The following KARS1 variants were observed in gnomAD, a reference collection of about 807,000 sequenced individuals.
KARS1 encodes the protein lysine--tRNA ligase.
In KARS1, 50 loss-of-function variants were observed where a neutral mutation model predicts 63.9. The observed-to-expected ratio is 0.78, with a 90% CI of 0.62 to 0.99. The LOEUF is 0.99. Among genes scored for constraint, KARS1 ranks in the 50% least tolerant of loss-of-function variants. The probability of loss-of-function intolerance (pLI) is 0.00; values close to 1 mark genes in which losing one functional copy is unlikely to be tolerated. For synonymous variants in KARS1, 320 were observed against 264.6 expected (o/e 1.21, Z -2.03); for missense variants, 816 against 754.5 (o/e 1.08, Z -0.95).
intron 7 of KARS1, among the ~76,000 whole-genome samples, chr16:75,632,778 T>C (rs1023126191): frequency 3.3e-5 from 5 of 152,210 alleles, no homozygotes; most frequent in East Asian, 1.9e-4. Context: ...TATGTTGGGA[T>C]TCACTCAGGA....
In KARS1 at chr16:75,628,689, CTCA is replaced by C. The variant is rs746792084; in HGVS notation, c.1572_1574del (p.Asp524del). 2 of 1,614,214 alleles carry C rather than the reference CTCA, an allele frequency of 1.2e-6. No individual in the cohort carries two copies. Among genetic ancestry groups the C allele is most frequent in the East Asian group, 2.2e-5 (1 of 44,886 alleles). On this transcript the variant is annotated inframe_deletion, in exon 13 of 14. Transcript: ENST00000302445. ...AGAAGTTTTCATCTATGAACATGGC[CTCA>C]TCATCACCTGCAGCCTTGGCCTAGA...
rs757911726 is a variant in KARS1 at position 75,636,086 on chromosome 16, T to G, written c.495A>C (p.Ser165=). ...QVMANSRNYK[S]EEEFIHINNK... is the part of the protein sequence containing the mutation. ...TATTAATATGAATAAATTCTTCTTC[T>G]GATTTATAATTTCTGAGTGAAAAAG... Residue 165 remains serine, a synonymous_variant, in exon 5 of 14, where the codon TCA becomes TCC. Coordinates refer to ENST00000302445, the MANE Select transcript of KARS1 (RefSeq NM_005548.3). 9 of 1,575,710 alleles carry G rather than the reference T, an allele frequency of 5.7e-6. No homozygotes were observed. The highest frequency in any genetic ancestry group is 7.9e-6 in the Non-Finnish European group (9 of 1,145,622).
intron 1 of KARS1, 31 bp from the exon 2 acceptor site, chr16:75,641,754 T>C (rs534058849): frequency 1.2e-6 from 2 of 1,611,924 alleles, no homozygotes; most frequent in Admixed American, 1.7e-5. Flanking sequence ...TTCAATGTGT[T>C]AGCTGCCTGA....
chr16:75,635,712 T>C lies in KARS1; in HGVS notation c.763A>G (p.Arg255Gly), dbSNP rs2082153489. ...AATCCCAGCTCATCTAAGAAACTTC[T>C]TATATATGTGATGATCTTAGAGCGG... is the stretch of plus-strand genomic sequence containing the variant. ...IIRSKIITYI[R>G]SFLDELGFLE... The change falls in exon 6 of 14, where the codon AGA becomes GGA. Residue 255 changes from arginine to glycine, a missense_variant. Arg to Gly is a moderately radical substitution (Grantham distance 125). Transcript: ENST00000302445. The C allele has an allele frequency of 6.2e-7, 1 of 1,614,168 alleles. No homozygotes were observed. Among genetic ancestry groups the C allele is most frequent in the Non-Finnish European group, 8.5e-7 (1 of 1,180,002 alleles).
rs772303223 is a variant in KARS1, at chr16:75,631,712, G to T, written c.1059C>A (p.Ile353=). The T allele has an allele frequency of 2.5e-6, 4 of 1,614,186 alleles. No individual in the cohort carries two copies. Among genetic ancestry groups the T allele is most frequent in the Non-Finnish European group, 1.7e-6 (2 of 1,180,026 alleles). Residue 353 remains isoleucine (I), a synonymous_variant, in exon 8 of 14, where the codon ATC becomes ATA. Transcript: ENST00000302445. The part of the protein sequence containing the change: ...AYADYHDLME[I]TEKMVSGMVK... ...AGTCACCTGAAACCATCTTCTCCGT[G>T]ATTTCCATGAGATCGTGATAGTCTG...
chr16:75,630,596 C>A lies in KARS1; in HGVS notation c.1339-88G>T, dbSNP rs555332644. 9 of 773,820 alleles carry A rather than the reference C, an allele frequency of 1.2e-5. No individual in the cohort carries two copies. In the African/African-American group the frequency reaches 1.4e-4, roughly 12 times the overall value. The allele number at this position is 773,820 out of a possible 1,614,324, so 47.9% of individuals were successfully genotyped here. A position where few individuals can be genotyped will look rare whatever the true frequency, so the allele number is the denominator to read the frequency against. ...CAGACAGAAGATCTCAGCTCCCATCCAGATGGGTTTATCCTATAGCTTTTT... is the reference window on the plus strand; with the variant it reads ...CAGACAGAAGATCTCAGCTCCCATCAAGATGGGTTTATCCTATAGCTTTTT... On this transcript the variant is annotated intron_variant, in intron 10 of 13. Coordinates refer to ENST00000302445, the MANE Select transcript of KARS1 (RefSeq NM_005548.3).
chr16:75,643,658 C>A (rs572385074), intron 1 of KARS1, among the ~76,000 whole-genome samples: 2 of 152,086 alleles, frequency 1.3e-5, no homozygotes, highest in African/African-American at 4.8e-5. Flanking sequence ...GGATTACAGG[C>A]GTGAGCCACC....
At position 75,647,129 on chromosome 16, in the gene KARS1, C is replaced by A. The variant is rs998721551; in HGVS notation, c.62+449G>T. Among the ~76,000 whole-genome samples the A allele has an allele frequency of 6.6e-5, 10 of 152,176 alleles. No individual in the cohort carries two copies. In the East Asian group the frequency reaches 1.9e-3, roughly 29 times the overall value. Reference sequence around the variant, plus strand: ...AGAACTGATCCCTTTTAATACATAACGTTCAGAATGACCTTAGTGAGGCCC... The same window carrying A: ...AGAACTGATCCCTTTTAATACATAAAGTTCAGAATGACCTTAGTGAGGCCC... On this transcript the variant is annotated intron_variant, in intron 1 of 13. Transcript: ENST00000302445.
chr16:75,636,525 A>G lies in KARS1; in HGVS notation c.411T>C (p.Ala137=), dbSNP rs1597170086. The G allele has an allele frequency of 1.9e-6, 3 of 1,612,700 alleles. No individual in the cohort carries two copies. The highest frequency in any genetic ancestry group is 2.7e-5 in the African/African-American group (2 of 74,908). The change falls in exon 4 of 14, where the codon GCT becomes GCC. Residue 137 remains alanine (A), a synonymous_variant. Transcript: ENST00000302445. ...CATAGAAGATGAGCTTTCCCCCAGA[A>G]GCTCTTTTGGCATGGATCCTACCTA... The part of the protein sequence containing the change: ...KVAGRIHAKR[A]SGGKLIFYDL...
chr16:75,634,180 T>TA lies in KARS1; in HGVS notation c.907dup (p.Tyr303LeufsTer3). The TA allele has an allele frequency of 1.2e-6, 2 of 1,613,964 alleles. No homozygotes were observed. The highest frequency in any genetic ancestry group is 8.5e-7 in the Non-Finnish European group (1 of 1,179,844). On this transcript the variant is annotated frameshift_variant, in exon 7 of 14. Transcript: ENST00000302445. LOFTEE classifies it high-confidence loss of function. The stretch of plus-strand genomic sequence containing the variant: ...TGTACTATTACTGACTACCTTATGA[T>TA]AGAGTTCTGGAGCAATTCTCATATA...
chr16:75,634,097 T>G, intron 7 of KARS1, 76 bp downstream of exon 7: 3 of 1,497,724 alleles, frequency 2.0e-6, no homozygotes, highest in Non-Finnish European at 2.8e-6. Context: ...CTCTTATTTC[T>G]GACTATACCC....
chr16:75,636,628 T>A, intron 3 of KARS1, 81 bp from the exon 4 acceptor site: 1 of 881,800 alleles, frequency 1.1e-6, no homozygotes. Context: ...AAACTCCCTC[T>A]GCATTTTTTT....
At chr16:75,630,621 T>A (rs1477161676) in intron 10 of KARS1, 113 bp from the exon 11 acceptor site, 1 of 491,348 alleles carries the variant, frequency 2.0e-6, no homozygotes, top group African/African-American at 2.4e-5. Context: ...TATAGCTTTT[T>A]ATTTATTTAT....
At chr16:75,631,893 C>CTT in intron 7 of KARS1, 38 bp from the exon 8 acceptor site, 47 of 1,259,562 alleles carry the variant, frequency 3.7e-5, no homozygotes, top group African/African-American at 4.6e-5. Context: ...GACAGCTAAT[C>CTT]TTTTTTTTTT....
chr16:75,644,923 A>C (rs2082264574), intron 1 of KARS1, among the ~76,000 whole-genome samples: 1 of 152,246 alleles, frequency 6.6e-6, no homozygotes, highest in African/African-American at 2.4e-5. Context: ...ATACGTGTCA[A>C]AGAGAAGACT....
intron 6 of KARS1, chr16:75,635,242 CAGTAAATGGTGTGGAAGGATACAT>C: frequency 7.1e-6 from 2 of 280,866 alleles, no homozygotes; most frequent in South Asian, 7.3e-5. Context: ...TATATATGCC[CAGTAAATGGTGTGGAAGGATACAT>C]ATCAAACTCA....
intron 12 of KARS1, chr16:75,629,009 C>A: frequency 2.0e-6 from 1 of 492,472 alleles, no homozygotes; most frequent in South Asian, 2.1e-5. Flanking sequence ...GAGACTGTGA[C>A]AATTACAAGA....
rs759506917 is a variant in KARS1 at position 75,634,165 on chromosome 16, C to T, written c.915+8G>A. 7.4e-6 allele frequency: 12 copies of T among 1,613,352 alleles called. No individual in the cohort carries two copies. The highest frequency in any genetic ancestry group is 5.0e-5 in the Admixed American group (3 of 59,982). On this transcript the variant is annotated splice_region_variant and intron_variant, in intron 7 of 13. Coordinates refer to ENST00000302445, the MANE Select transcript of KARS1 (RefSeq NM_005548.3). ...TTTAAGGGAAAAGGGTGTACTATTA[C>T]TGACTACCTTATGATAGAGTTCTGG...
At chr16:75,643,864 A>C (rs895119702) in intron 1 of KARS1, among the ~76,000 whole-genome samples, 1 of 152,244 alleles carries the variant, frequency 6.6e-6, no homozygotes, top group African/African-American at 2.4e-5. Flanking sequence ...TCTAGAATTA[A>C]GATAAATCTG....
Sources: allele counts gnomAD v4.1 joint callset (sites outside exome capture counted in the v4.1 genomes callset), GRCh38; gene constraint gnomAD v4.1.1; transcripts MANE v1.5; gene names NCBI Gene and HGNC (gene_info 2026-07-23, HGNC 2026-07-21).